VRK1: variants seen among roughly 807,000 people sequenced by gnomAD.
VRK1 encodes the protein VRK serine/threonine kinase 1.
In VRK1, 33 loss-of-function variants were observed where a neutral mutation model predicts 57.1. The observed-to-expected ratio is 0.58, with a 90% CI of 0.44 to 0.77. The LOEUF (loss-of-function observed/expected upper bound fraction) is 0.77. Among genes scored for constraint, VRK1 ranks in the 30% least tolerant of loss-of-function variants. The pLI is 0.00. For synonymous variants in VRK1, 137 were observed against 147.8 expected, an observed-to-expected ratio of 0.93 and a Z score of 0.53; for missense variants, 413 against 477.3, an observed-to-expected ratio of 0.87 and a Z score of 1.25.
At chr14:96,851,239 C>G (rs1008330091) in intron 5 of VRK1, among the ~76,000 whole-genome samples, 1 of 151,888 alleles carries the variant, frequency 6.6e-6, no homozygotes, top group African/African-American at 2.4e-5. Context: ...CTCCCAGGTT[C>G]AAGCAATTCT....
intron 1 of VRK1, among the ~76,000 whole-genome samples, chr14:96,824,988 G>A (rs982523444): frequency 6.6e-6 from 1 of 152,126 alleles, no homozygotes; most frequent in Non-Finnish European, 1.5e-5. Flanking sequence ...AGAGCCATAA[G>A]CATTTTTAAT....
At chr14:96,855,850 G>A (rs1888133277) in intron 8 of VRK1, among the ~76,000 whole-genome samples, 1 of 152,054 alleles carries the variant, frequency 6.6e-6, no homozygotes, top group Admixed American at 6.6e-5. Context: ...GTTTTCCAAA[G>A]GAAAACTAGT....
chr14:96,819,582 A>G (rs1178329867), intron 1 of VRK1, among the ~76,000 whole-genome samples: 2 of 152,228 alleles, frequency 1.3e-5, no homozygotes, highest in African/African-American at 4.8e-5. Context: ...AACTAGGCTC[A>G]AACACATCTT....
intron 4 of VRK1, among the ~76,000 whole-genome samples, chr14:96,846,743 A>G (rs1046095558): frequency 7.9e-5 from 12 of 151,886 alleles, no homozygotes; most frequent in African/African-American, 2.7e-4. Context: ...ATAAAAAATA[A>G]CAATTCAATA....
At chr14:96,813,249 G>A (rs1886273534) in intron 1 of VRK1, among the ~76,000 whole-genome samples, 2 of 152,094 alleles carry the variant, frequency 1.3e-5, no homozygotes, top group African/African-American at 2.4e-5. Context: ...GTGCTGACTG[G>A]GATTTTCACC....
intron 4 of VRK1, among the ~76,000 whole-genome samples, chr14:96,846,957 C>T (rs1316531694): frequency 6.6e-6 from 1 of 151,866 alleles, no homozygotes; most frequent in African/African-American, 2.4e-5. Flanking sequence ...TTCCTGGAAC[C>T]AAGCCCCTAG....
chr14:96,850,639 T>C (rs1033083726), intron 5 of VRK1, among the ~76,000 whole-genome samples: 2 of 152,212 alleles, frequency 1.3e-5, no homozygotes, highest in Non-Finnish European at 2.9e-5. Context: ...AGACCCCATG[T>C]TGAATTAAGC....
At chr14:96,853,192 T>G in intron 7 of VRK1, 26 bp downstream of exon 7, 1 of 1,572,284 alleles carries the variant, frequency 6.4e-7, no homozygotes, top group Non-Finnish European at 8.7e-7. Flanking sequence ...TAATTTCTAC[T>G]ATTTAAAGCG....
At chr14:96,830,797 T>C (rs1364017476) in intron 1 of VRK1, among the ~76,000 whole-genome samples, 1 of 152,226 alleles carries the variant, frequency 6.6e-6, no homozygotes, top group Admixed American at 6.5e-5. Context: ...TAGATCCCAC[T>C]CTTCACTTGT....
At chr14:96,859,176 T>G (rs554338617) in intron 10 of VRK1, 1 of 152,340 alleles carries the variant, frequency 6.6e-6, no homozygotes, top group Non-Finnish European at 1.5e-5. Context: ...ATTTTCCAAT[T>G]GCTTTTTGCT....
At chr14:96,858,987 T>A (rs1888275558) in intron 10 of VRK1, 1 of 152,250 alleles carries the variant, frequency 6.6e-6, no homozygotes, top group South Asian at 2.1e-4. Context: ...TGGGGAGCAC[T>A]GACATCTTTA....
intron 11 of VRK1, among the ~76,000 whole-genome samples, chr14:96,872,918 T>G (rs1039192740): frequency 1.3e-5 from 2 of 152,202 alleles, no homozygotes; most frequent in Admixed American, 6.5e-5. Context: ...ATGGACTGAT[T>G]AGTGCAGTGT....
intron 3 of VRK1, among the ~76,000 whole-genome samples, chr14:96,840,513 C>T (rs1423007602): frequency 6.6e-6 from 1 of 152,134 alleles, no homozygotes; most frequent in Non-Finnish European, 1.5e-5. Context: ...AATATTCAGC[C>T]TGTTGCTGAA....
intron 11 of VRK1, among the ~76,000 whole-genome samples, chr14:96,871,464 A>G (rs1279830626): frequency 6.6e-6 from 1 of 152,228 alleles, no homozygotes; most frequent in Non-Finnish European, 1.5e-5. Flanking sequence ...ATTACACTGG[A>G]CACTTATGTA....
intron 3 of VRK1, among the ~76,000 whole-genome samples, chr14:96,842,855 A>T (rs1887520160): frequency 6.6e-6 from 1 of 152,188 alleles, no homozygotes. Flanking sequence ...TGTGGCTGGC[A>T]CATTTTTATC....
chr14:96,849,708 A>C (rs1163139199), intron 5 of VRK1, among the ~76,000 whole-genome samples: 1 of 152,184 alleles, frequency 6.6e-6, no homozygotes, highest in Non-Finnish European at 1.5e-5. Context: ...CATCACTGTG[A>C]TTATCATAAT....
rs17094550 is a variant in VRK1, at chr14:96,860,391, A to G, written c.890-166A>G. Among the ~76,000 whole-genome samples the G allele has an allele frequency of 1.9e-3, 295 of 152,260 alleles. 6 individuals carry two copies. In the East Asian group the frequency reaches 0.046, roughly 24 times the overall value. On this transcript the variant is annotated intron_variant, in intron 10 of 12. Transcript: ENST00000216639. ...CTTTTTAAATTTCAGTTATCTGACA[A>G]TTCCTGAGTTCAAAAGCATACTTTT...
chr14:96,863,432 G>A (rs1888464681), intron 11 of VRK1, among the ~76,000 whole-genome samples: 1 of 152,100 alleles, frequency 6.6e-6, no homozygotes, highest in South Asian at 2.1e-4. Flanking sequence ...ATTCCTTCCT[G>A]TTCCATCTGG....
intron 1 of VRK1, among the ~76,000 whole-genome samples, chr14:96,830,795 A>G (rs1382747180): frequency 6.6e-6 from 1 of 152,024 alleles, no homozygotes; most frequent in Non-Finnish European, 1.5e-5. Flanking sequence ...TCTAGATCCC[A>G]CTCTTCACTT....
Sources: gnomAD v4.1 joint callset for allele counts (sites outside exome capture counted in the v4.1 genomes callset) on GRCh38, gnomAD v4.1.1 for gene constraint, MANE v1.5 for transcripts, NCBI Gene and HGNC (gene_info 2026-07-23, HGNC 2026-07-21) for gene names.